Variants in CCDC125 observed in about 807,000 individuals in gnomAD.
CCDC125 encodes the protein coiled-coil domain containing 125, also known as coiled-coil domain-containing protein 125.
In CCDC125, 43 loss-of-function variants were observed where a neutral mutation model predicts 57.4. The observed-to-expected ratio is 0.75, with a 90% CI of 0.59 to 0.97. The LOEUF (loss-of-function observed/expected upper bound fraction) is 0.97. Among genes scored for constraint, CCDC125 ranks in the 50% least tolerant of loss-of-function variants. The pLI, the probability that CCDC125 is intolerant of heterozygous loss-of-function variation, is 0.00. For missense variants in CCDC125, 563 were observed against 595.7 expected (o/e 0.95, Z 0.57); for synonymous variants, 187 against 195.2 (o/e 0.96, Z 0.35).
intron 6 of CCDC125, among the ~76,000 whole-genome samples, chr5:69,305,092 C>A (rs1757125064): frequency 6.6e-6 from 1 of 151,868 alleles, no homozygotes; most frequent in Non-Finnish European, 1.5e-5. Flanking sequence ...AGGGTACACC[C>A]ATGTTCATAG....
chr5:69,313,640 A>G lies in CCDC125; in HGVS notation c.366+345T>C, dbSNP rs528932023. On this transcript the variant is annotated intron_variant, in intron 3 of 11. Coordinates refer to ENST00000396496, the MANE Select transcript of CCDC125 (RefSeq NM_176816.5). ...CATAGAGGGCGTAGAGGCAATCCTT[A>G]TCCGGTAGCATCTTGACAAAGGTGG... is the stretch of plus-strand genomic sequence containing the variant. 455 of 740,166 alleles carry G rather than the reference A, an allele frequency of 6.1e-4. 9 individuals are homozygous for G. The South Asian group carries it at 6.3e-3, about 10-fold the overall frequency. The allele number at this position is 740,166 out of a possible 1,614,324, so 45.8% of individuals were successfully genotyped here.
At chr5:69,295,634 C>T (rs1755184800) in intron 8 of CCDC125, among the ~76,000 whole-genome samples, 1 of 152,150 alleles carries the variant, frequency 6.6e-6, no homozygotes. Flanking sequence ...GCTGTCTTAT[C>T]TTCTTATACC....
intron 3 of CCDC125, among the ~76,000 whole-genome samples, chr5:69,311,995 A>G (rs1758236343): frequency 6.6e-6 from 1 of 152,108 alleles, no homozygotes; most frequent in Non-Finnish European, 1.5e-5. Flanking sequence ...TTGGCCTCCC[A>G]AAGTGCTGGG....
rs1250754732 is a variant in CCDC125 at position 69,320,544 on chromosome 5, C to A, written c.-4G>T. 6.3e-7 allele frequency: 1 copy of A among 1,595,416 alleles called. No homozygotes were observed. ...ATGATCTTGCCACCTTGCTCATGAG[C>A]CAAATGCCGTCTTTATCATAAGAAA... On this transcript the variant is annotated 5_prime_UTR_variant, in exon 2 of 12. Coordinates refer to ENST00000396496, the MANE Select transcript of CCDC125 (RefSeq NM_176816.5).
At chr5:69,304,624 C>T (rs1335897756) in intron 6 of CCDC125, among the ~76,000 whole-genome samples, 1 of 151,752 alleles carries the variant, frequency 6.6e-6, no homozygotes, top group Admixed American at 6.6e-5. Flanking sequence ...GTGGTTTCAT[C>T]ATGTTGGCTG....
Position 69,300,116 on chromosome 5 carries a change from G to A in CCDC125, c.712C>T (p.Arg238Trp), listed in dbSNP as rs189273822. The change falls in exon 8 of 12, where the codon CGG becomes TGG. Residue 238 changes from arginine to tryptophan, a missense_variant. Physicochemically the swap from Arg to Trp is moderately radical, Grantham distance 101 (BLOSUM62 -3). Coordinates refer to ENST00000396496, the MANE Select transcript of CCDC125 (RefSeq NM_176816.5). ...AGCATGGCGAGGGCCTCCAAATACC[G>A]TTGATTCAAAACTAGGAAGGGCCAT... is the stretch of plus-strand genomic sequence containing the variant. ...LKSDNAVLNQ[R>W]YLEALAMLDI... The A allele has an allele frequency of 3.4e-4, 543 of 1,613,240 alleles. 3 individuals carry two copies. The East Asian group carries it at 7.0e-3, about 21-fold the overall frequency.
At chr5:69,285,800 TC>T (rs1360297522) in intron 10 of CCDC125, among the ~76,000 whole-genome samples, 14 of 152,174 alleles carry the variant, frequency 9.2e-5, no homozygotes, top group Non-Finnish European at 1.8e-4. Flanking sequence ...CAGCCACTAG[TC>T]TTATTGTTTG....
At chr5:69,298,731 G>A (rs767440386) in intron 8 of CCDC125, among the ~76,000 whole-genome samples, 3 of 152,142 alleles carry the variant, frequency 2.0e-5, no homozygotes, top group Non-Finnish European at 4.4e-5. Flanking sequence ...TAGTCTACTC[G>A]AGACTATCAT....
chr5:69,295,128 C>T (rs962924242), intron 8 of CCDC125, among the ~76,000 whole-genome samples: 1 of 152,150 alleles, frequency 6.6e-6, no homozygotes, highest in Non-Finnish European at 1.5e-5. Context: ...GGAACACAAA[C>T]AAAAGGGAAT....
Position 69,294,779 on chromosome 5 carries a change from T to C in CCDC125, c.924+14A>G, listed in dbSNP as rs77858455. ...AACAAAACTAAAGCTTTTGCTGTTG[T>C]GATAACGCAATACCTCTTGTTTGAG... On this transcript the variant is annotated intron_variant, in intron 9 of 11. Coordinates refer to ENST00000396496, the MANE Select transcript of CCDC125 (RefSeq NM_176816.5). The C allele has an allele frequency of 9.1e-4, 1,431 of 1,572,208 alleles. 14 individuals carry two copies. In the African/African-American group the frequency reaches 0.017, roughly 18 times the overall value.
chr5:69,275,893 C>G (rs1217862257), downstream of CCDC125, among the ~76,000 whole-genome samples: 1 of 152,134 alleles, frequency 6.6e-6, no homozygotes, highest in African/African-American at 2.4e-5. Flanking sequence ...TCTTGGCTTC[C>G]ATCCCCAAGG....
intron 1 of CCDC125, among the ~76,000 whole-genome samples, chr5:69,320,786 G>GGTGTGTGTGTGT (rs145801965): frequency 6.7e-6 from 1 of 148,242 alleles, no homozygotes; most frequent in African/African-American, 2.5e-5. Flanking sequence ...TATGGTGTGG[G>GGTGTGTGTGTGT]GTGTGTGTGT....
intron 2 of CCDC125, among the ~76,000 whole-genome samples, chr5:69,319,729 C>T (rs2150594430): frequency 6.6e-6 from 1 of 152,076 alleles, no homozygotes; most frequent in East Asian, 2.0e-4. Context: ...GATCCACCTG[C>T]CTCAGCCTCC....
At chr5:69,283,878 T>G (rs1018558711) in intron 11 of CCDC125, among the ~76,000 whole-genome samples, 6 of 151,200 alleles carry the variant, frequency 4.0e-5, no homozygotes, top group Admixed American at 1.3e-4. Flanking sequence ...CAAGCTCCGC[T>G]CTCCTGGGTT....
At chr5:69,294,973 T>A in intron 8 of CCDC125, 73 bp from the exon 9 acceptor site, 1 of 1,257,734 alleles carries the variant, frequency 8.0e-7, no homozygotes, top group Non-Finnish European at 1.2e-6. Flanking sequence ...ACAGGGGCAT[T>A]TACACACATA....
chr5:69,291,702 CT>C (rs1175366645), intron 10 of CCDC125, among the ~76,000 whole-genome samples: 2 of 152,178 alleles, frequency 1.3e-5, no homozygotes, highest in African/African-American at 4.8e-5. Flanking sequence ...TAAACCTAAA[CT>C]TCTGCTTCAT....
At chr5:69,300,323 G>A (rs1237615885) in intron 7 of CCDC125, among the ~76,000 whole-genome samples, 196 bp from the exon 8 acceptor site, 1 of 152,122 alleles carries the variant, frequency 6.6e-6, no homozygotes, top group Non-Finnish European at 1.5e-5. Context: ...AGATGAGATG[G>A]TGTCATTTTT....
At chr5:69,283,845 A>G (rs1220589149) in intron 11 of CCDC125, among the ~76,000 whole-genome samples, 1 of 149,812 alleles carries the variant, frequency 6.7e-6, no homozygotes, top group African/African-American at 2.5e-5. Flanking sequence ...GTTGGAGTGC[A>G]GTTGCATGAT....
chr5:69,307,890 A>T, intron 5 of CCDC125, 61 bp downstream of exon 5: 1 of 1,308,122 alleles, frequency 7.6e-7, no homozygotes, highest in Non-Finnish European at 1.1e-6. Context: ...TGGTGAGTTT[A>T]GGGAAATTAT....
Sources: gnomAD v4.1 joint callset for allele counts (sites outside exome capture counted in the v4.1 genomes callset) on GRCh38, gnomAD v4.1.1 for gene constraint, MANE v1.5 for transcripts, NCBI Gene and HGNC (gene_info 2026-07-23, HGNC 2026-07-21) for gene names.